Variants in NDST1 observed in about 807,000 individuals in gnomAD.
The protein encoded by NDST1 is bifunctional heparan sulfate N-deacetylase/N-sulfotransferase 1.
In NDST1, 35 loss-of-function variants were observed where a neutral mutation model predicts 92.8. The observed-to-expected ratio is 0.38, with a 90% CI of 0.29 to 0.50. NDST1 has a LOEUF of 0.50. Ranked by LOEUF, NDST1 falls within the 20% of genes least tolerant of loss-of-function variation. The pLI is 0.94. For synonymous variants in NDST1, 493 were observed against 500.3 expected (o/e 0.99, Z 0.19); for missense variants, 822 against 1,182.7 (o/e 0.69, Z 4.47).
intron 1 of NDST1, among the ~76,000 whole-genome samples, chr5:150,499,091 G>C (rs1753119923): frequency 6.6e-6 from 1 of 152,220 alleles, no homozygotes; most frequent in Non-Finnish European, 1.5e-5. Context: ...CTGCAGGGAA[G>C]TTGGCCTCTA....
chr5:150,524,895 C>T (rs1448806151), intron 2 of NDST1, among the ~76,000 whole-genome samples: 2 of 152,236 alleles, frequency 1.3e-5, no homozygotes, highest in African/African-American at 4.8e-5. Context: ...ATTAGAGATG[C>T]TCAACCTGTG....
chr5:150,511,754 G>A (rs1017682528), intron 1 of NDST1, among the ~76,000 whole-genome samples: 1 of 152,168 alleles, frequency 6.6e-6, no homozygotes, highest in Admixed American at 6.5e-5. Context: ...GATGGGGCAT[G>A]TAGCAGATTC....
intron 3 of NDST1, 28 bp from the exon 4 acceptor site, chr5:150,532,917 T>G: frequency 6.2e-7 from 1 of 1,606,694 alleles, no homozygotes. Context: ...TTTCCCTCAC[T>G]CATTCCTTTC....
chr5:150,517,549 T>C (rs1754034127), intron 1 of NDST1, among the ~76,000 whole-genome samples: 1 of 152,158 alleles, frequency 6.6e-6, no homozygotes, highest in African/African-American at 2.4e-5. Context: ...TTCTGTGGGT[T>C]TGGACAAATG....
At chr5:150,547,773 C>A (rs1012039645) in intron 11 of NDST1, among the ~76,000 whole-genome samples, 2 of 152,172 alleles carry the variant, frequency 1.3e-5, no homozygotes, top group Admixed American at 6.5e-5. Context: ...GCAACCTCCA[C>A]CCCCCGAGTT....
chr5:150,553,121 A>T lies in NDST1; in HGVS notation c.2530-92A>T. 2 of 1,382,488 alleles carry T rather than the reference A, an allele frequency of 1.4e-6. No individual in the cohort carries two copies. Among genetic ancestry groups the T allele is most frequent in the East Asian group, 5.4e-5 (2 of 37,352 alleles). The allele number at this position is 1,382,488 out of a possible 1,614,324, so 85.6% of individuals were successfully genotyped here. A position where few individuals can be genotyped will look rare whatever the true frequency, so the allele number is the denominator to read the frequency against. ...CTCCCAAAGTGCTGGGATTACAGGC[A>T]TGAGCCACCGTGCCCGGCCGAGCAT... On this transcript the variant is annotated intron_variant, in intron 14 of 14. Transcript: ENST00000261797. The surrounding 1 kb of genome is among the most constrained non-coding windows in gnomAD (Gnocchi z 4.2).
intron 3 of NDST1, among the ~76,000 whole-genome samples, chr5:150,530,957 C>G (rs1754703362): frequency 6.6e-6 from 1 of 152,048 alleles, no homozygotes; most frequent in African/African-American, 2.4e-5. Context: ...ACCAAAAATA[C>G]AAATAGAGGC....
intron 10 of NDST1, among the ~76,000 whole-genome samples, chr5:150,544,222 T>A (rs1458406494): frequency 6.6e-6 from 1 of 152,250 alleles, no homozygotes. Context: ...CAGCGACACC[T>A]GGGGCAGCAC....
intron 1 of NDST1, among the ~76,000 whole-genome samples, chr5:150,515,887 A>AG (rs1753937597): frequency 6.6e-6 from 1 of 152,094 alleles, no homozygotes; most frequent in South Asian, 2.1e-4. Context: ...TGGGTTGCAG[A>AG]GGGGCTGTGC....
chr5:150,511,519 G>A (rs1753719493), intron 1 of NDST1, among the ~76,000 whole-genome samples: 2 of 152,226 alleles, frequency 1.3e-5, no homozygotes, highest in Admixed American at 1.3e-4. Flanking sequence ...CAAGGTAAAT[G>A]AGAGTGGGGC....
At position 150,528,183 on chromosome 5, in the gene NDST1, T is replaced by A; in HGVS notation, c.893T>A (p.Val298Glu). 6.2e-7 allele frequency: 1 copy of A among 1,614,256 alleles called. No individual in the cohort carries two copies. Among genetic ancestry groups the A allele is most frequent in the Non-Finnish European group, 8.5e-7 (1 of 1,180,042 alleles). The change falls in exon 3 of 15, where the codon GTG becomes GAG. Residue 298 changes from valine to glutamate, a missense_variant. Val to Glu is a moderately radical substitution (Grantham distance 121). Coordinates refer to ENST00000261797, the MANE Select transcript of NDST1 (RefSeq NM_001543.5). ...CACAAGCTTGTCTTCGTGGATGCCG[T>A]GGCCTTCCTCACGGGGAAGCGCCTC... ...WLHKLVFVDAVAFLTGKRLSL... is the reference protein window; with the variant it reads ...WLHKLVFVDAEAFLTGKRLSL...
In NDST1 at chr5:150,553,823, G is replaced by T. The variant is rs1581417744; in HGVS notation, c.*491G>T. The stretch of plus-strand genomic sequence containing the variant: ...TTCCAAGGGGCCAGCTGGGTCCCCG[G>T]AGTCAGTCCTAGGCTGGATGGGAGG... On this transcript the variant is annotated 3_prime_UTR_variant, in exon 15 of 15. Transcript: ENST00000261797. This position sits in a 1 kb window ranked among gnomAD's most constrained non-coding sequence, Gnocchi z 4.2. The T allele has an allele frequency of 4.2e-6, 2 of 471,484 alleles. No homozygotes were observed. Among genetic ancestry groups the T allele is most frequent in the East Asian group, 6.8e-5 (2 of 29,480 alleles). 29.2% of individuals were successfully genotyped at this position (471,484 alleles called of 1,614,324 possible). A position where few individuals can be genotyped will look rare whatever the true frequency, so the allele number is the denominator to read the frequency against.
intron 6 of NDST1, among the ~76,000 whole-genome samples, chr5:150,537,147 A>G (rs568567127): frequency 6.6e-6 from 1 of 152,360 alleles, no homozygotes; most frequent in South Asian, 2.1e-4. Flanking sequence ...CGTCATCTTC[A>G]TAAGCTGAGG....
intron 2 of NDST1, among the ~76,000 whole-genome samples, chr5:150,527,141 G>C (rs1415604857): frequency 6.6e-6 from 1 of 152,230 alleles, no homozygotes; most frequent in African/African-American, 2.4e-5. Context: ...TAATGGTTAG[G>C]TGTGTGGGTG....
chr5:150,531,724 C>T (rs887253303), intron 3 of NDST1, among the ~76,000 whole-genome samples: 4 of 152,284 alleles, frequency 2.6e-5, no homozygotes, highest in East Asian at 1.9e-4. Flanking sequence ...GTTTTGAACT[C>T]CTGACCTCAG....
Position 150,556,129 on chromosome 5 carries a change from A to G in NDST1, c.*2797A>G, listed in dbSNP as rs1485337438. 6.6e-6 allele frequency: 1 copy of G among 152,168 alleles called. No homozygotes were observed. The highest frequency in any genetic ancestry group is 1.5e-5 in the Non-Finnish European group (1 of 68,070). 9.4% of individuals were successfully genotyped at this position (152,168 alleles called of 1,614,324 possible). A position where few individuals can be genotyped will look rare whatever the true frequency, so the allele number is the denominator to read the frequency against. ...CGAGGCCAGTCTTCAATGTCCACTA[A>G]TTCACTCTAAGCATTTGGCCAAAAA... On this transcript the variant is annotated 3_prime_UTR_variant, in exon 15 of 15. Coordinates refer to ENST00000261797, the MANE Select transcript of NDST1 (RefSeq NM_001543.5).
At position 150,521,221 on chromosome 5, in the gene NDST1, C is replaced by T. The variant is rs114645225; in HGVS notation, c.-34C>T. 8 of 1,589,610 alleles carry T rather than the reference C, an allele frequency of 5.0e-6. No homozygotes were observed. Among genetic ancestry groups the T allele is most frequent in the African/African-American group, 2.7e-5 (2 of 74,358 alleles). On this transcript the variant is annotated 5_prime_UTR_variant, in exon 2 of 15. Coordinates refer to ENST00000261797, the MANE Select transcript of NDST1 (RefSeq NM_001543.5). The surrounding 1 kb of genome is among the most constrained non-coding windows in gnomAD (Gnocchi z 5.9). ...GGGCCTTGGGGTAGCCAGGGCAGGC[C>T]GGGCCTCCGGTGGCCAAGGTCTCGG...
At chr5:150,539,085 C>T in intron 6 of NDST1, 143 bp from the exon 7 acceptor site, 1 of 691,528 alleles carries the variant, frequency 1.4e-6, no homozygotes, top group Non-Finnish European at 2.6e-6. Context: ...GTGCTGTAGG[C>T]TGCACCCAAG....
intron 6 of NDST1, 107 bp downstream of exon 6, chr5:150,535,992 G>A: frequency 7.4e-7 from 1 of 1,359,486 alleles, no homozygotes; most frequent in African/African-American, 1.4e-5. Flanking sequence ...GCTGGCTTAG[G>A]GGTTGCAGAT....
Sources: allele counts gnomAD v4.1 joint callset (sites outside exome capture counted in the v4.1 genomes callset), GRCh38; gene constraint gnomAD v4.1.1; non-coding constraint Gnocchi (gnomAD v3.1); transcripts MANE v1.5; gene names NCBI Gene and HGNC (gene_info 2026-07-23, HGNC 2026-07-21).